The following DYDC1 variants were observed in gnomAD, a reference collection of about 807,000 sequenced individuals.
The protein encoded by DYDC1 is DPY30 domain containing 1, also known as DPY30 domain-containing protein 1.
In DYDC1, 21 loss-of-function variants were observed where a neutral mutation model predicts 27.9. The observed-to-expected ratio is 0.75, with a 90% confidence interval of 0.53 to 1.08. DYDC1 has a LOEUF of 1.08. Ranked by LOEUF, DYDC1 falls within the 50% of genes least tolerant of loss-of-function variation. The probability of loss-of-function intolerance (pLI) is 0.00; values close to 1 mark genes in which losing one functional copy is unlikely to be tolerated. For synonymous variants in DYDC1, 67 were observed against 65.8 expected (o/e 1.02, Z -0.09); for missense variants, 202 against 205.9 (o/e 0.98, Z 0.12).
intron 6 of DYDC1, chr10:80,338,192 A>G (rs564093218): frequency 1.7e-5 from 17 of 985,400 alleles, no homozygotes; most frequent in African/African-American, 5.2e-5. Context: ...TAAAGATTAT[A>G]TATTTCACAA....
intron 1 of DYDC1, 54 bp from the exon 2 acceptor site, chr10:80,352,664 T>G: frequency 6.5e-7 from 1 of 1,546,522 alleles, no homozygotes; most frequent in Non-Finnish European, 8.7e-7. Context: ...AAAGTCACTA[T>G]AAAACTAAAG....
intron 3 of DYDC1, chr10:80,344,763 A>G: frequency 3.1e-6 from 1 of 326,696 alleles, no homozygotes; most frequent in Non-Finnish European, 5.9e-6. Flanking sequence ...CCATGTAAGA[A>G]GTGCCTTTCG....
In DYDC1 at chr10:80,356,699, C is replaced by G. The variant is rs1175741880; in HGVS notation, c.-10+13G>C. The G allele has an allele frequency of 1.0e-6, 1 of 984,380 alleles. No homozygotes were observed. The highest frequency in any genetic ancestry group is 1.2e-6 in the Non-Finnish European group (1 of 828,990). The allele number at this position is 984,380 out of a possible 1,614,324, so 61.0% of individuals were successfully genotyped here. ...AATCCCAAAAACAGTTCGGGCCTTT[C>G]CGGTGCGCTCACCCCTACACACGCG... On this transcript the variant is annotated intron_variant, in intron 1 of 6. Transcript: ENST00000372202.
chr10:80,346,238 G>A (rs1342716501), intron 3 of DYDC1, among the ~76,000 whole-genome samples: 1 of 152,166 alleles, frequency 6.6e-6, no homozygotes, highest in Admixed American at 6.5e-5. Flanking sequence ...GGACATGGGA[G>A]TGCAAGTAGT....
intron 3 of DYDC1, among the ~76,000 whole-genome samples, chr10:80,347,074 T>C (rs1294337252): frequency 6.7e-6 from 1 of 149,606 alleles, no homozygotes; most frequent in Admixed American, 6.6e-5. Context: ...AGCGAGACTC[T>C]GTGTCCGAAA....
intron 1 of DYDC1, among the ~76,000 whole-genome samples, chr10:80,354,210 G>C (rs990447055): frequency 3.3e-5 from 5 of 151,386 alleles, no homozygotes; most frequent in South Asian, 2.1e-4. Context: ...ATATTTGCCG[G>C]GCACAGTGGC....
At chr10:80,356,406 G>A (rs1040166589) in intron 1 of DYDC1, 2 of 985,588 alleles carry the variant, frequency 2.0e-6, no homozygotes, top group Non-Finnish European at 2.4e-6. Context: ...GGGGGCACCC[G>A]GGCAGGGGTG....
intron 4 of DYDC1, among the ~76,000 whole-genome samples, chr10:80,341,293 A>C (rs1235973745): frequency 6.6e-6 from 1 of 151,784 alleles, no homozygotes; most frequent in East Asian, 1.9e-4. Flanking sequence ...AATACAAAAA[A>C]TTAGCCAAGC....
Position 80,336,172 on chromosome 10 carries a change from A to G in DYDC1, c.518T>C (p.Ile173Thr). 1 of 1,563,568 alleles carries G rather than the reference A, an allele frequency of 6.4e-7. No individual in the cohort carries two copies. The highest frequency in any genetic ancestry group is 8.7e-7 in the Non-Finnish European group (1 of 1,149,460). The part of the protein sequence containing the change: ...EPMFSDIALN[I>T]DQDL ...TGGTTGGTCCTACAAATCTTGATCA[A>G]TGTTTAATGCAATCTAAAAGCAAAA... The change falls in exon 7 of 7, where the codon ATT (isoleucine) becomes ACT (threonine). Residue 173 changes from isoleucine (I) to threonine (T), a missense_variant. By Grantham distance (89) the Ile-to-Thr change is moderately conservative. Coordinates refer to ENST00000372202, the MANE Select transcript of DYDC1 (RefSeq NM_001269053.2).
intron 1 of DYDC1, chr10:80,356,476 G>A (rs1843374760): frequency 1.0e-6 from 1 of 985,242 alleles, no homozygotes; most frequent in African/African-American, 1.7e-5. Context: ...TTCCCACCCG[G>A]GAGTCTGGAA....
chr10:80,338,363 A>C (rs546684449), intron 6 of DYDC1, 104 bp downstream of exon 6: 1 of 1,460,146 alleles, frequency 6.8e-7, no homozygotes, highest in African/African-American at 1.5e-5. Flanking sequence ...CCTATTTGCC[A>C]ACCAATCCTG....
chr10:80,340,881 T>A (rs1028563573), intron 4 of DYDC1, among the ~76,000 whole-genome samples: 1 of 152,216 alleles, frequency 6.6e-6, no homozygotes, highest in African/African-American at 2.4e-5. Context: ...TACAGGCATA[T>A]CCCTGTGCTC....
rs142763161 is a variant in DYDC1, at chr10:80,352,515, C to T, written c.87G>A (p.Pro29=). The change falls in exon 2 of 7, where the codon CCG becomes CCA. Residue 29 remains proline (P), a synonymous_variant. Coordinates refer to ENST00000372202, the MANE Select transcript of DYDC1 (RefSeq NM_001269053.2). ...AEVARVRPVD[P]IEYLALWIYK... The stretch of plus-strand genomic sequence containing the variant: ...AAATCCACAATGCTAAATATTCTAT[C>T]GGATCCACTGGGCGAACTCTTGCCA... 1.4e-4 allele frequency: 225 copies of T among 1,613,342 alleles called. No individual in the cohort carries two copies. Among genetic ancestry groups the T allele is most frequent in the Non-Finnish European group, 1.8e-4 (208 of 1,179,780 alleles).
At chr10:80,356,155 C>G in intron 1 of DYDC1, 1 of 800,112 alleles carries the variant, frequency 1.2e-6, no homozygotes, top group Non-Finnish European at 1.5e-6. Context: ...TCAGTGGGAC[C>G]CAGGCAAGGC....
At chr10:80,337,151 C>A in intron 6 of DYDC1, 1 of 985,458 alleles carries the variant, frequency 1.0e-6, no homozygotes, top group Non-Finnish European at 1.2e-6. Flanking sequence ...TTCCTCTGGG[C>A]TCATCTCAGG....
chr10:80,337,086 C>T (rs1211034232), intron 6 of DYDC1: 12 of 973,266 alleles, frequency 1.2e-5, no homozygotes, highest in Middle Eastern at 5.2e-4. Flanking sequence ...GCTCCATGGA[C>T]GTTAGCCATT....
In DYDC1 at chr10:80,338,461, AC is replaced by A; in HGVS notation, c.504+5del. ...GAGTTTTTTCACAAAACACACTGAT[AC>A]TGACATCAGAAAACATTGGTTCATC... On this transcript the variant is annotated splice_donor_5th_base_variant and intron_variant, in intron 6 of 6. Coordinates refer to ENST00000372202, the MANE Select transcript of DYDC1 (RefSeq NM_001269053.2). The A allele has an allele frequency of 6.2e-7, 1 of 1,612,252 alleles. No individual in the cohort carries two copies. Among genetic ancestry groups the A allele is most frequent in the Non-Finnish European group, 8.5e-7 (1 of 1,179,334 alleles).
At chr10:80,355,800 C>T (rs768036383) in intron 1 of DYDC1, among the ~76,000 whole-genome samples, 2 of 152,012 alleles carry the variant, frequency 1.3e-5, no homozygotes, top group African/African-American at 2.4e-5. Context: ...ACTCTAAAAA[C>T]GGAAAACAAA....
intron 5 of DYDC1, 148 bp downstream of exon 5, chr10:80,338,948 TG>T (rs1341454696): frequency 6.3e-6 from 3 of 474,852 alleles, no homozygotes; most frequent in African/African-American, 6.1e-5. Flanking sequence ...ACATTATTTG[TG>T]ACTTGTTATC....
Sources: gnomAD v4.1 joint callset for allele counts (sites outside exome capture counted in the v4.1 genomes callset) on GRCh38, gnomAD v4.1.1 for gene constraint, MANE v1.5 for transcripts, NCBI Gene and HGNC (gene_info 2026-07-23, HGNC 2026-07-21) for gene names.